Variants in SOD2 observed in about 807,000 individuals in gnomAD.
The protein encoded by SOD2 is superoxide dismutase 2, also known as superoxide dismutase [Mn], mitochondrial.
SOD2 carries 11 observed loss-of-function variants against 27.0 expected under a neutral mutation model. The ratio of observed to expected loss-of-function variants is 0.41; its 90% CI spans 0.26 to 0.67. The LOEUF (loss-of-function observed/expected upper bound fraction) is 0.67. Ranked by LOEUF, SOD2 falls within the 30% of genes least tolerant of loss-of-function variation. SOD2 has a pLI of 0.34. For missense variants in SOD2, 250 were observed against 274.5 expected (o/e 0.91, Z 0.63); for synonymous variants, 105 against 103.0 (o/e 1.02, Z -0.12).
At chr6:159,723,073 T>G (rs1401305632) in intron 1 of SOD2, among the ~76,000 whole-genome samples, 8 of 152,200 alleles carry the variant, frequency 5.3e-5, no homozygotes, top group Non-Finnish European at 1.2e-4. Flanking sequence ...AAACCTTTCC[T>G]TTTGTCCACT....
At chr6:159,757,790 T>A (rs1161368037) in intron 1 of SOD2, among the ~76,000 whole-genome samples, 1 of 152,230 alleles carries the variant, frequency 6.6e-6, no homozygotes. Context: ...TTAAACATTT[T>A]GGTGTTTGAT....
At chr6:159,742,175 C>G (rs2114922353) in intron 1 of SOD2, 2 of 1,524,430 alleles carry the variant, frequency 1.3e-6, no homozygotes, top group East Asian at 4.5e-5. Context: ...TTCCTAAAGA[C>G]TGAATAATCT....
intron 3 of SOD2, 61 bp from the exon 4 acceptor site, chr6:159,685,094 A>G (rs1257324645): frequency 2.3e-5 from 28 of 1,230,912 alleles, no homozygotes; most frequent in Non-Finnish European, 3.1e-5. Context: ...TTACAGTAAA[A>G]TGTTATATTA....
At chr6:159,717,933 G>A (rs1777953293) in intron 1 of SOD2, among the ~76,000 whole-genome samples, 1 of 150,230 alleles carries the variant, frequency 6.7e-6, no homozygotes, top group Non-Finnish European at 1.5e-5. Flanking sequence ...GTGTGTATAT[G>A]TGTATATATA....
At chr6:159,732,886 A>ATAGT (rs146623701) in intron 1 of SOD2, among the ~76,000 whole-genome samples, 174 of 146,484 alleles carry the variant, frequency 1.2e-3, no homozygotes, top group African/African-American at 3.3e-3. Flanking sequence ...ATATATATAT[A>ATAGT]GTGTGTGTGT....
Position 159,742,333 on chromosome 6 carries a change from G to C in SOD2, c.-116+2797C>G, listed in dbSNP as rs146013812. ...ATGAGACACAGTCTCAGTCATTGGA[G>C]AAGACAGAGGTGTAATAGTCATGTA... On this transcript the variant is annotated intron_variant, in intron 1 of 3. Transcript: ENST00000537657. Among the ~76,000 whole-genome samples, 12 of 152,318 alleles carry C rather than the reference G, an allele frequency of 7.9e-5. No homozygotes were observed. The East Asian group carries it at 2.3e-3, about 29-fold the overall frequency.
chr6:159,685,874 C>T (rs1205628379), intron 3 of SOD2, among the ~76,000 whole-genome samples: 1 of 152,122 alleles, frequency 6.6e-6, no homozygotes, highest in Non-Finnish European at 1.5e-5. Flanking sequence ...GAGGGATTTC[C>T]CCACTCACTG....
At chr6:159,755,331 C>T in intron 1 of SOD2, 1 of 1,614,198 alleles carries the variant, frequency 6.2e-7, no homozygotes. Context: ...GATGACTTTC[C>T]TTCTTCTCCA....
chr6:159,699,076 C>T (rs1431891525), intron 1 of SOD2, among the ~76,000 whole-genome samples: 5 of 152,108 alleles, frequency 3.3e-5, no homozygotes, highest in African/African-American at 4.8e-5. Flanking sequence ...CACTCCCTCT[C>T]CCACATTTTT....
intron 1 of SOD2, among the ~76,000 whole-genome samples, chr6:159,723,488 C>T (rs761554367): frequency 3.9e-5 from 6 of 152,196 alleles, no homozygotes; most frequent in East Asian, 1.9e-4. Flanking sequence ...GTACCTTTCC[C>T]GTCCCAGAGC....
At chr6:159,689,334 A>G (rs1228910231) in intron 2 of SOD2, among the ~76,000 whole-genome samples, 1 of 152,094 alleles carries the variant, frequency 6.6e-6, no homozygotes, top group Non-Finnish European at 1.5e-5. Flanking sequence ...GCCACCATAC[A>G]TGAATTAGCA....
rs150995417 is a variant in SOD2 at position 159,704,487 on chromosome 6, C to G, written c.-115-11624G>C. ...CACACCAGGAGATTATATCCTGTGC[C>G]TGGCTCAGAGGGTGCCACGCCCATG... On this transcript the variant is annotated intron_variant, in intron 1 of 2. Coordinates refer to the SOD2 transcript ENST00000401980. Among the ~76,000 whole-genome samples the G allele has an allele frequency of 5.2e-3, 790 of 152,368 alleles. 5 individuals carry two copies. The highest frequency in any genetic ancestry group is 0.018 in the African/African-American group (748 of 41,586).
At chr6:159,688,308 T>C in intron 2 of SOD2, 66 bp from the exon 3 acceptor site, 4 of 945,520 alleles carry the variant, frequency 4.2e-6, no homozygotes, top group Admixed American at 3.8e-5. Context: ...GTATACATTA[T>C]ATTTTTTTCT....
rs1779752591 is a variant in SOD2 at position 159,675,276 on chromosome 6, G to A, written c.*7217C>T. 1 of 152,172 alleles carries A rather than the reference G, an allele frequency of 6.6e-6. No homozygotes were observed. The highest frequency in any genetic ancestry group is 2.4e-5 in the African/African-American group (1 of 41,422). 9.4% of individuals were successfully genotyped at this position (152,172 alleles called of 1,614,324 possible). A position where few individuals can be genotyped will look rare whatever the true frequency, so the allele number is the denominator to read the frequency against. ...AAAGTTCATGTGGAACCAAAAAAGA[G>A]CCTGCACTGCCAAAACGATCCTAAG... On this transcript the variant is annotated 3_prime_UTR_variant, in exon 5 of 5. Coordinates refer to ENST00000538183, the MANE Select transcript of SOD2 (RefSeq NM_000636.4).
intron 1 of SOD2, among the ~76,000 whole-genome samples, chr6:159,707,940 C>A (rs1038738381): frequency 6.6e-6 from 1 of 152,076 alleles, no homozygotes; most frequent in African/African-American, 2.4e-5. Flanking sequence ...GGGCGTCATC[C>A]CTGGGATGCA....
At chr6:159,739,041 C>G in intron 1 of SOD2, 1 of 1,610,338 alleles carries the variant, frequency 6.2e-7, no homozygotes, top group Non-Finnish European at 8.5e-7. Context: ...TGAGTTAATT[C>G]TAAGGTAAAA....
chr6:159,693,988 C>G (rs1033148022), upstream of SOD2, among the ~76,000 whole-genome samples: 5 of 152,134 alleles, frequency 3.3e-5, no homozygotes, highest in African/African-American at 9.7e-5. Context: ...TTATTTTTAC[C>G]CCTAGGGTTG....
chr6:159,727,979 G>A (rs1778314058), upstream of SOD2, among the ~76,000 whole-genome samples: 2 of 152,256 alleles, frequency 1.3e-5, no homozygotes, highest in African/African-American at 2.4e-5. Flanking sequence ...GGAGGCCGGA[G>A]GATGCCCTCC....
intron 1 of SOD2, among the ~76,000 whole-genome samples, chr6:159,752,663 A>G (rs1214793429): frequency 2.0e-5 from 3 of 151,390 alleles, no homozygotes; most frequent in Non-Finnish European, 4.4e-5. Flanking sequence ...AGTCTTTAAA[A>G]AAAAAACCTT....
Sources: gnomAD v4.1 joint callset for allele counts (sites outside exome capture counted in the v4.1 genomes callset) on GRCh38, gnomAD v4.1.1 for gene constraint, MANE v1.5 for transcripts, NCBI Gene and HGNC (gene_info 2026-07-23, HGNC 2026-07-21) for gene names.